Variants in FAM91A1 observed in about 807,000 individuals in gnomAD.
FAM91A1 encodes the protein protein FAM91A1.
A neutral mutation model predicts 113.5 loss-of-function variants in FAM91A1; 41 were observed. That is an observed-to-expected ratio of 0.36 (90% CI 0.28 to 0.47). FAM91A1 has a LOEUF of 0.47. FAM91A1 is among the 20% of genes least tolerant of loss of function. FAM91A1 has a pLI of 1.00. For synonymous variants in FAM91A1, 307 were observed against 347.9 expected (o/e 0.88, Z 1.31); for missense variants, 696 against 1,001.2 (o/e 0.70, Z 4.11).
At chr8:123,801,345 G>T (rs1815676199) in intron 18 of FAM91A1, among the ~76,000 whole-genome samples, 1 of 152,160 alleles carries the variant, frequency 6.6e-6, no homozygotes, top group Admixed American at 6.5e-5. Flanking sequence ...AATATCTATT[G>T]TATAATAACA....
intron 18 of FAM91A1, among the ~76,000 whole-genome samples, chr8:123,801,892 A>G (rs527378606): frequency 6.6e-6 from 1 of 152,244 alleles, no homozygotes; most frequent in South Asian, 2.1e-4. Context: ...TGTTTGTGGA[A>G]TAAATAAATA....
chr8:123,778,196 A>G, intron 5 of FAM91A1, 104 bp downstream of exon 5: 2 of 797,072 alleles, frequency 2.5e-6, no homozygotes, highest in Non-Finnish European at 4.0e-6. Flanking sequence ...ACCAAATAAA[A>G]TGTACTTAAC....
At position 123,789,596 on chromosome 8, in the gene FAM91A1, A is replaced by C. The variant is rs145779186; in HGVS notation, c.1279-17A>C. ...AAGTGGTATTTTTGTTGCAAAATCTATTTTCTCTTGGTTTAGGTTCAGAGC... is the reference window on the plus strand; with the variant it reads ...AAGTGGTATTTTTGTTGCAAAATCTCTTTTCTCTTGGTTTAGGTTCAGAGC... On this transcript the variant is annotated splice_polypyrimidine_tract_variant and intron_variant, in intron 14 of 23. Coordinates refer to ENST00000334705, the MANE Select transcript of FAM91A1 (RefSeq NM_144963.4). The C allele has an allele frequency of 1.6e-5, 26 of 1,610,962 alleles. No individual in the cohort carries two copies. Among genetic ancestry groups the C allele is most frequent in the African/African-American group, 2.7e-5 (2 of 74,770 alleles).
In FAM91A1 at chr8:123,815,359, T is replaced by C. The variant is rs921278084; in HGVS notation, c.*2655T>C. The stretch of plus-strand genomic sequence containing the variant: ...GTTTTCTGTTAGGATGTTAATATTA[T>C]ACAATGAAATCTATAAAGTGTTGTC... On this transcript the variant is annotated 3_prime_UTR_variant, in exon 24 of 24. Coordinates refer to ENST00000334705, the MANE Select transcript of FAM91A1 (RefSeq NM_144963.4). 1.3e-5 allele frequency: 2 copies of C among 152,566 alleles called. No homozygotes were observed. Among genetic ancestry groups the C allele is most frequent in the Non-Finnish European group, 2.9e-5 (2 of 68,020 alleles). The allele number at this position is 152,566 out of a possible 1,614,324, so 9.5% of individuals were successfully genotyped here.
At chr8:123,791,118 A>G (rs539613444) in intron 15 of FAM91A1, among the ~76,000 whole-genome samples, 19 of 152,312 alleles carry the variant, frequency 1.2e-4, no homozygotes, top group Non-Finnish European at 1.5e-4. Flanking sequence ...CCTGCCTATC[A>G]CAGAATGTGA....
intron 18 of FAM91A1, among the ~76,000 whole-genome samples, chr8:123,802,711 G>A (rs182924631): frequency 2.6e-4 from 39 of 152,298 alleles, no homozygotes; most frequent in Middle Eastern, 3.4e-3. Flanking sequence ...TGGGGTGGTC[G>A]TGGGAGATAG....
chr8:123,798,286 C>T, intron 16 of FAM91A1, 48 bp downstream of exon 16: 1 of 1,585,094 alleles, frequency 6.3e-7, no homozygotes, highest in Non-Finnish European at 8.6e-7. Context: ...TGAGTCCCAT[C>T]AGTTTTGTTT....
chr8:123,811,096 G>A (rs1327873204), intron 23 of FAM91A1: 1 of 152,220 alleles, frequency 6.6e-6, no homozygotes, highest in African/African-American at 2.4e-5. Context: ...GATAATATAA[G>A]CTGAAGCCAA....
intron 1 of FAM91A1, among the ~76,000 whole-genome samples, chr8:123,770,159 GC>G (rs1384504927): frequency 6.6e-6 from 1 of 152,090 alleles, no homozygotes; most frequent in Non-Finnish European, 1.5e-5. Context: ...CATCATGTTG[GC>G]CAGGCTGGTC....
At chr8:123,792,401 G>A (rs188119634) in intron 15 of FAM91A1, among the ~76,000 whole-genome samples, 180 of 152,092 alleles carry the variant, frequency 1.2e-3, no homozygotes, top group Middle Eastern at 6.8e-3. Context: ...TAAATAGCAC[G>A]GCGTACTGTT....
In FAM91A1 at chr8:123,768,652, G is replaced by T; in HGVS notation, c.-51G>T. 1 of 1,502,736 alleles carries T rather than the reference G, an allele frequency of 6.7e-7. No individual in the cohort carries two copies. The highest frequency in any genetic ancestry group is 1.2e-5 in the South Asian group (1 of 82,964). The allele number at this position is 1,502,736 out of a possible 1,614,324, so 93.1% of individuals were successfully genotyped here. A position where few individuals can be genotyped will look rare whatever the true frequency, so the allele number is the denominator to read the frequency against. Reference sequence around the variant, plus strand: ...GGCTGCGGGCGGGCAGGCGGGAGGCGTAGTGTGGGTCGCGGTGGCGGCCCC... The same window carrying T: ...GGCTGCGGGCGGGCAGGCGGGAGGCTTAGTGTGGGTCGCGGTGGCGGCCCC... On this transcript the variant is annotated 5_prime_UTR_variant, in exon 1 of 24. Coordinates refer to ENST00000334705, the MANE Select transcript of FAM91A1 (RefSeq NM_144963.4).
Position 123,775,204 on chromosome 8 carries a change from G to A in FAM91A1, c.215G>A (p.Arg72Gln), listed in dbSNP as rs1192035302. The stretch of plus-strand genomic sequence containing the variant: ...TATGAGGAACTGCTAAAGTACAGCC[G>A]AGATCATCTCATGCTGTACCCTTAC... ...RYYEELLKYS[R>Q]DHLMLYPYHL... The change falls in exon 3 of 24, where the codon CGA (arginine) becomes CAA (glutamine). Residue 72 changes from arginine (R) to glutamine (Q), a missense_variant. Arg to Gln is a conservative substitution (Grantham distance 43). Transcript: ENST00000334705. The A allele has an allele frequency of 1.4e-5, 23 of 1,613,586 alleles. No individual in the cohort carries two copies. Among genetic ancestry groups the A allele is most frequent in the South Asian group, 3.3e-5 (3 of 91,040 alleles).
At chr8:123,807,006 G>A (rs1237285164) in intron 20 of FAM91A1, among the ~76,000 whole-genome samples, 1 of 151,686 alleles carries the variant, frequency 6.6e-6, no homozygotes. Flanking sequence ...TTGGGTTGCC[G>A]TGGTGCCAGT....
In FAM91A1 at chr8:123,798,075, T is replaced by G; in HGVS notation, c.1412-15T>G. On this transcript the variant is annotated splice_polypyrimidine_tract_variant and intron_variant, in intron 15 of 23. Coordinates refer to ENST00000334705, the MANE Select transcript of FAM91A1 (RefSeq NM_144963.4). ...TCAGTCTTTTATTCTGTGTGTGTGC[T>G]TGATCATAACTCAGGTTTTCCTCTG... is the stretch of plus-strand genomic sequence containing the variant. 1 of 1,607,934 alleles carries G rather than the reference T, an allele frequency of 6.2e-7. No individual in the cohort carries two copies. Among genetic ancestry groups the G allele is most frequent in the East Asian group, 2.2e-5 (1 of 44,620 alleles).
chr8:123,809,306 A>T (rs747417237), intron 22 of FAM91A1, among the ~76,000 whole-genome samples: 1 of 152,206 alleles, frequency 6.6e-6, no homozygotes, highest in Non-Finnish European at 1.5e-5. Context: ...GATATGGAGT[A>T]TGAACCTAGA....
intron 20 of FAM91A1, 65 bp downstream of exon 20, chr8:123,806,294 T>A (rs1312323723): frequency 4.0e-6 from 6 of 1,483,196 alleles, no homozygotes; most frequent in Non-Finnish European, 5.5e-6. Flanking sequence ...AGTGTTAATA[T>A]ATGAAAAGCA....
At chr8:123,789,498 C>G in intron 14 of FAM91A1, 115 bp from the exon 15 acceptor site, 1 of 1,495,784 alleles carries the variant, frequency 6.7e-7, no homozygotes. Flanking sequence ...ATTGCCTGGG[C>G]AAATTTTTGA....
chr8:123,783,156 A>G (rs1434430672), intron 8 of FAM91A1, among the ~76,000 whole-genome samples: 3 of 152,118 alleles, frequency 2.0e-5, no homozygotes, highest in East Asian at 1.9e-4. Context: ...AGCCTAGGTG[A>G]CAGAGTGAGA....
chr8:123,780,607 C>T (rs1563638113), intron 8 of FAM91A1, 65 bp downstream of exon 8: 1 of 1,309,420 alleles, frequency 7.6e-7, no homozygotes, highest in Non-Finnish European at 1.1e-6. Context: ...CATTGCATAT[C>T]ATCCGTTCTA....
Sources: allele counts gnomAD v4.1 joint callset (sites outside exome capture counted in the v4.1 genomes callset), GRCh38; gene constraint gnomAD v4.1.1; transcripts MANE v1.5; gene names NCBI Gene and HGNC (gene_info 2026-07-23, HGNC 2026-07-21).